The following HECTD4 variants were observed in gnomAD, a reference collection of about 807,000 sequenced individuals.
HECTD4 encodes the protein probable E3 ubiquitin-protein ligase HECTD4.
HECTD4 carries 114 observed loss-of-function variants against 471.5 expected under a neutral mutation model. The ratio of observed to expected loss-of-function variants is 0.24; its 90% CI spans 0.21 to 0.28. The LOEUF is 0.28. HECTD4 is among the 10% of genes least tolerant of loss of function. The pLI, the probability that HECTD4 is intolerant of heterozygous loss-of-function variation, is 1.00. For synonymous variants in HECTD4, 2,012 were observed against 2,256.0 expected (o/e 0.89, Z 3.07); for missense variants, 3,866 against 5,651.5 (o/e 0.68, Z 10.13).
At chr12:112,257,927 C>T (rs1241238483) in intron 20 of HECTD4, among the ~76,000 whole-genome samples, 2 of 152,150 alleles carry the variant, frequency 1.3e-5, no homozygotes, top group Admixed American at 6.5e-5. Flanking sequence ...TGGTGGCTCA[C>T]GCCTGTAATC....
At chr12:112,272,781 G>A (rs2034442731) in intron 11 of HECTD4, among the ~76,000 whole-genome samples, 1 of 152,166 alleles carries the variant, frequency 6.6e-6, no homozygotes, top group Non-Finnish European at 1.5e-5. Context: ...GTCTCTGTTT[G>A]TTTGCCACCA....
intron 1 of HECTD4, among the ~76,000 whole-genome samples, chr12:112,346,807 T>C (rs2036159868): frequency 6.6e-6 from 1 of 152,192 alleles, no homozygotes; most frequent in South Asian, 2.1e-4. Context: ...TTGATTGCTC[T>C]CCTTTTTTAA....
At position 112,239,962 on chromosome 12, in the gene HECTD4, G is replaced by C. The variant is rs531920927; in HGVS notation, c.5024C>G (p.Thr1675Ser). Residue 1675 changes from threonine to serine, a missense_variant, in exon 33 of 76, where the codon ACC (threonine) becomes AGC (serine). Around this residue, in one of 16 missense-constraint regions of HECTD4, gnomAD observed 229 missense variants for 386.4 expected, o/e 0.59. Transcript: ENST00000682272. The surrounding 1 kb of genome is among the most constrained non-coding windows in gnomAD (Gnocchi z 4.9). ...QVQEAFGETM[T>S]SVVSLCARYP... is the part of the protein sequence containing the mutation. ...ACGAGCACACAGAGACACAACAGAG[G>C]TCATGGTCTCGCCAAAGGCTTCCTG... 1 of 1,613,938 alleles carries C rather than the reference G, an allele frequency of 6.2e-7. No individual in the cohort carries two copies. The highest frequency in any genetic ancestry group is 8.5e-7 in the Non-Finnish European group (1 of 1,179,816).
At chr12:112,229,956 C>T in intron 40 of HECTD4, 76 bp from the exon 41 acceptor site, 9 of 1,358,178 alleles carry the variant, frequency 6.6e-6, no homozygotes, top group Non-Finnish European at 9.0e-6. Flanking sequence ...AAAGTGTCTA[C>T]AACAGTGCCT....
chr12:112,281,986 A>C (rs2034652170), intron 8 of HECTD4, among the ~76,000 whole-genome samples: 1 of 152,208 alleles, frequency 6.6e-6, no homozygotes, highest in Non-Finnish European at 1.5e-5. Context: ...AAATCTAATG[A>C]AAGTTATGAC....
chr12:112,313,180 C>T, intron 3 of HECTD4, 33 bp from the exon 4 acceptor site: 1 of 1,509,888 alleles, frequency 6.6e-7, no homozygotes, highest in Non-Finnish European at 8.8e-7. Context: ...CACAAAGACA[C>T]TGAGACAATC....
At chr12:112,200,562 A>AATGGTAC in intron 55 of HECTD4, 76 bp downstream of exon 55, 1 of 1,445,642 alleles carries the variant, frequency 6.9e-7, no homozygotes, top group Non-Finnish European at 9.4e-7. Flanking sequence ...GCTGAGGATA[A>AATGGTAC]ATGGTACATG....
intron 1 of HECTD4, among the ~76,000 whole-genome samples, chr12:112,355,920 A>T (rs992917253): frequency 2.0e-5 from 3 of 151,810 alleles, no homozygotes; most frequent in African/African-American, 4.8e-5. Context: ...TACTCAAATA[A>T]TTTTTTTTTA....
intron 45 of HECTD4, 69 bp downstream of exon 45, chr12:112,219,317 T>A (rs1593942952): frequency 3.5e-6 from 4 of 1,137,230 alleles, no homozygotes; most frequent in South Asian, 1.4e-5. Flanking sequence ...TGTCCTTAAC[T>A]TGCTGCTGGC....
chr12:112,286,016 AAT>A (rs1347263957), intron 7 of HECTD4, among the ~76,000 whole-genome samples: 8 of 152,236 alleles, frequency 5.3e-5, no homozygotes, highest in African/African-American at 1.9e-4. Flanking sequence ...TGAGAAAATC[AAT>A]AGATACCTTA....
chr12:112,205,559 G>A (rs1156905773), intron 52 of HECTD4, among the ~76,000 whole-genome samples: 3 of 152,126 alleles, frequency 2.0e-5, no homozygotes, highest in African/African-American at 2.4e-5. Context: ...GACAAATGGA[G>A]AGGAAGAAGA....
chr12:112,376,210 T>C (rs538957991), intron 1 of HECTD4, among the ~76,000 whole-genome samples: 9 of 152,304 alleles, frequency 5.9e-5, no homozygotes, highest in African/African-American at 2.2e-4. Flanking sequence ...CAAATGGCTA[T>C]TTTAAAGAAT....
At chr12:112,315,375 G>T (rs924617868) in intron 2 of HECTD4, among the ~76,000 whole-genome samples, 52 of 152,314 alleles carry the variant, frequency 3.4e-4, no homozygotes, top group African/African-American at 1.2e-3. Context: ...GCAGAACCAA[G>T]TAGGCCTAGA....
chr12:112,335,440 C>G (rs1314068482), intron 1 of HECTD4, among the ~76,000 whole-genome samples: 1 of 152,096 alleles, frequency 6.6e-6, no homozygotes, highest in Non-Finnish European at 1.5e-5. Context: ...TGCCTGTAAT[C>G]CCAGCACTTT....
intron 34 of HECTD4, 88 bp from the exon 35 acceptor site, chr12:112,237,186 T>C: frequency 8.4e-7 from 1 of 1,189,110 alleles, no homozygotes; most frequent in South Asian, 1.7e-5. Flanking sequence ...CCTGTCCATT[T>C]ATCTTGCTTA....
At chr12:112,245,584 C>A (rs1431738733) in intron 29 of HECTD4, among the ~76,000 whole-genome samples, 1 of 152,184 alleles carries the variant, frequency 6.6e-6, no homozygotes, top group Non-Finnish European at 1.5e-5. Flanking sequence ...CCTGGGAGTC[C>A]TCCTAGACTT....
Position 112,231,402 on chromosome 12 carries a change from C to G in HECTD4, c.6200+111G>C, listed in dbSNP as rs2033375720. The G allele has an allele frequency of 4.8e-6, 5 of 1,038,086 alleles. No homozygotes were observed. In the South Asian group the frequency reaches 5.6e-5, roughly 12 times the overall value. 64.3% of individuals were successfully genotyped at this position (1,038,086 alleles called of 1,614,324 possible). Reference sequence around the variant, plus strand: ...TGCAACTACTACAGCAGATGGCGGCCTCATTTCCAAGAGGTCAAGGGGATG... The same window carrying G: ...TGCAACTACTACAGCAGATGGCGGCGTCATTTCCAAGAGGTCAAGGGGATG... On this transcript the variant is annotated intron_variant, in intron 39 of 75. Transcript: ENST00000682272.
In HECTD4 at chr12:112,203,772, C is replaced by A. The variant is rs1224930773; in HGVS notation, c.8270G>T (p.Gly2757Val). 2 of 1,597,180 alleles carry A rather than the reference C, an allele frequency of 1.3e-6. No homozygotes were observed. Among genetic ancestry groups the A allele is most frequent in the Admixed American group, 1.7e-5 (1 of 58,128 alleles). ...TGGAGAGCGGGTTACTACTGTGAGA[C>A]CTGAGGAGTGTAGAGGGAGAAGTTT... ...NKFTIDKVRK[G>V]LTVVTRSPDS... Residue 2757 changes from glycine to valine, a missense_variant and splice_region_variant, in exon 54 of 76, where the codon GGT (glycine) becomes GTT (valine). Physicochemically the swap from Gly to Val is moderately radical, Grantham distance 109 (BLOSUM62 -3). Coordinates refer to ENST00000682272, the MANE Select transcript of HECTD4 (RefSeq NM_001388303.1).
Position 112,264,125 on chromosome 12 carries a change from C to T in HECTD4, c.2707G>A (p.Asp903Asn). 6.2e-7 allele frequency: 1 copy of T among 1,609,074 alleles called. No individual in the cohort carries two copies. Residue 903 changes from aspartate (D) to asparagine (N), a missense_variant, in exon 17 of 76, where the codon GAC becomes AAC. Coordinates refer to ENST00000682272, the MANE Select transcript of HECTD4 (RefSeq NM_001388303.1). ...TCTCCCTGCAAGGAGCTGTCACTGTCATCATTCTCATCAGGTTTAATCAAA... is the reference window on the plus strand; with the variant it reads ...TCTCCCTGCAAGGAGCTGTCACTGTTATCATTCTCATCAGGTTTAATCAAA... ...TILIKPDEND[D>N]SDSSLQGETL...
Sources: allele counts gnomAD v4.1 joint callset (sites outside exome capture counted in the v4.1 genomes callset), GRCh38; gene constraint gnomAD v4.1.1; regional missense constraint gnomAD v4.1.1; non-coding constraint Gnocchi (gnomAD v3.1); transcripts MANE v1.5; gene names NCBI Gene and HGNC (gene_info 2026-07-23, HGNC 2026-07-21).